Variants in DST observed in about 807,000 individuals in gnomAD.
DST encodes the protein bullous pemphigoid antigen.
A neutral mutation model predicts 875.2 loss-of-function variants in DST; 253 were observed. The observed-to-expected ratio is 0.29, with a 90% CI of 0.26 to 0.32. The LOEUF (loss-of-function observed/expected upper bound fraction) is 0.32, where lower values mean the gene tolerates loss of function less well. Ranked by LOEUF, DST falls within the 10% of genes least tolerant of loss-of-function variation. The pLI is 1.00. For missense variants in DST, 8,287 were observed against 9,111.6 expected, an observed-to-expected ratio of 0.91 and a Z score of 3.68; for synonymous variants, 3,124 against 3,197.1, an observed-to-expected ratio of 0.98 and a Z score of 0.77.
intron 4 of DST, among the ~76,000 whole-genome samples, chr6:56,828,924 G>C (rs2099783888): frequency 6.6e-6 from 1 of 152,086 alleles, no homozygotes; most frequent in Non-Finnish European, 1.5e-5. Flanking sequence ...AACAAATCTA[G>C]AAAGCTTCAC....
At chr6:56,575,445 G>A (rs1025732467) in intron 50 of DST, among the ~76,000 whole-genome samples, 2 of 152,174 alleles carry the variant, frequency 1.3e-5, no homozygotes, top group African/African-American at 4.8e-5. Flanking sequence ...TGGCAGGTTA[G>A]CGACTTCTTA....
At chr6:56,884,179 T>C (rs1161659646) in intron 3 of DST, among the ~76,000 whole-genome samples, 1 of 152,176 alleles carries the variant, frequency 6.6e-6, no homozygotes, top group East Asian at 1.9e-4. Flanking sequence ...TCTCTTTTTT[T>C]TATATTCGGT....
chr6:56,637,656 A>G (rs2098838830), intron 22 of DST, among the ~76,000 whole-genome samples: 1 of 152,094 alleles, frequency 6.6e-6, no homozygotes, highest in Non-Finnish European at 1.5e-5. Context: ...TTTAATAGAG[A>G]GTGTATCTTT....
At chr6:56,778,353 C>CTT (rs756542657) in intron 4 of DST, among the ~76,000 whole-genome samples, 4 of 109,992 alleles carry the variant, frequency 3.6e-5, no homozygotes, top group Admixed American at 9.0e-5. Flanking sequence ...ATTCTTTTCT[C>CTT]TTTTTTTTTT....
At chr6:56,824,653 C>A (rs1439985499) in intron 4 of DST, among the ~76,000 whole-genome samples, 1 of 152,070 alleles carries the variant, frequency 6.6e-6, no homozygotes, top group Non-Finnish European at 1.5e-5. Context: ...CTCTGACCGG[C>A]CGCGACCCCG....
intron 4 of DST, among the ~76,000 whole-genome samples, chr6:56,827,248 G>A (rs1489794477): frequency 6.6e-6 from 1 of 152,108 alleles, no homozygotes; most frequent in African/African-American, 2.4e-5. Context: ...GGGCGCGGTG[G>A]CTCTCGCCTG....
At chr6:56,581,837 A>G (rs1562942867) in intron 49 of DST, among the ~76,000 whole-genome samples, 1 of 152,210 alleles carries the variant, frequency 6.6e-6, no homozygotes, top group Non-Finnish European at 1.5e-5. Flanking sequence ...AACTCAAAAA[A>G]GCTGAATCTG....
At chr6:56,690,741 T>A (rs185782470) in intron 9 of DST, among the ~76,000 whole-genome samples, 52 of 152,312 alleles carry the variant, frequency 3.4e-4, no homozygotes, top group South Asian at 1.5e-3. Flanking sequence ...TTGCAACTAA[T>A]TCTCCAATGA....
Position 56,459,223 on chromosome 6 carries a change from T to G in DST, c.23239A>C (p.Lys7747Gln), listed in dbSNP as rs995801681. The change falls in exon 104 of 104, where the codon AAA becomes CAA. Residue 7747 changes from lysine (K) to glutamine (Q), a missense_variant. Physicochemically the swap from Lys to Gln is moderately conservative, Grantham distance 53 (BLOSUM62 1). Transcript: ENST00000680361. ...CGGCTGCTGGCCCTGCTGCCAGCTT[T>G]GCTTCCAGCTCGACTTCCTGGTCGG... Reference protein sequence around the residue: ...PSRPGSRAGSKAGSRASSRRG... With the variant: ...PSRPGSRAGSQAGSRASSRRG... 1 of 1,613,466 alleles carries G rather than the reference T, an allele frequency of 6.2e-7. No individual in the cohort carries two copies. The highest frequency in any genetic ancestry group is 8.5e-7 in the Non-Finnish European group (1 of 1,179,654).
rs1451557352 is a variant in DST at position 56,553,134 on chromosome 6, C to T, written c.15658G>A (p.Gly5220Ser). 6.2e-7 allele frequency: 1 copy of T among 1,613,846 alleles called. No individual in the cohort carries two copies. Among genetic ancestry groups the T allele is most frequent in the East Asian group, 2.2e-5 (1 of 44,894 alleles). ...SLQKEMDQHF[G>S]MVELLNNTAN... ...GTGTTGTTCAGTAATTCTACCATAC[C>T]AAAGTGTTGGTCCATTTCCTTCTGC... Residue 5220 changes from glycine (G) to serine (S), a missense_variant, in exon 61 of 104, where the codon GGT becomes AGT. Gly to Ser is a moderately conservative substitution (Grantham distance 56). Transcript: ENST00000680361.
In DST at chr6:56,597,807, T is replaced by G; in HGVS notation, c.12128A>C (p.Glu4043Ala). The G allele has an allele frequency of 1.2e-6, 2 of 1,613,970 alleles. No individual in the cohort carries two copies. Among genetic ancestry groups the G allele is most frequent in the East Asian group, 2.2e-5 (1 of 44,886 alleles). Reference sequence around the variant, plus strand: ...TCCAACTTGCCCATCAACATCAGTCTCCAACAGGTTACCATTAACTTCATC... The same window carrying G: ...TCCAACTTGCCCATCAACATCAGTCGCCAACAGGTTACCATTAACTTCATC... ...EEDEVNGNLL[E>A]TDVDGQVGTT... Residue 4043 changes from glutamate to alanine, a missense_variant, in exon 47 of 104, where the codon GAG becomes GCG. Glu to Ala is a moderately radical substitution (Grantham distance 107). Transcript: ENST00000680361.
At chr6:56,620,166 G>A in intron 36 of DST, 2 of 1,613,310 alleles carry the variant, frequency 1.2e-6, no homozygotes, top group Non-Finnish European at 1.7e-6. Context: ...TGCTTTATCA[G>A]CTTCAAGAGT....
Position 56,594,061 on chromosome 6 carries a change from C to T in DST, c.12328G>A (p.Glu4110Lys). ...EKEKLQKNMK[E>K]LKVHYETALA... ...GCAGTTTCATAATGCACTTTCAGTTCCTTCATGTTCTTTTGCAGTTTCTCT... is the reference window on the plus strand; with the variant it reads ...GCAGTTTCATAATGCACTTTCAGTTTCTTCATGTTCTTTTGCAGTTTCTCT... Residue 4110 changes from glutamate (E) to lysine (K), a missense_variant, in exon 48 of 104, where the codon GAA becomes AAA. Physicochemically the swap from Glu to Lys is moderately conservative, Grantham distance 56. This residue lies in a region of DST where 1,513 missense variants were observed against 1,677.8 expected (regional missense o/e 0.90). Coordinates refer to ENST00000680361, the MANE Select transcript of DST (RefSeq NM_001374736.1). 6.2e-7 allele frequency: 1 copy of T among 1,612,832 alleles called. No individual in the cohort carries two copies.
At chr6:56,543,720 C>G (rs750728872) in intron 61 of DST, among the ~76,000 whole-genome samples, 17 of 152,164 alleles carry the variant, frequency 1.1e-4, no homozygotes, top group Non-Finnish European at 1.8e-4. Flanking sequence ...CAAAACTGTG[C>G]TAACTCCAAA....
rs1443869403 is a variant in DST at position 56,603,633 on chromosome 6, G to A, written c.10872C>T (p.Pro3624=). The stretch of plus-strand genomic sequence containing the variant: ...CCAGAGATTCCTGGTTGTCTAAGGG[G>A]GGTTTCATATCTTGAAGCAATGTCA... ...EYLTLLQDMK[P]PLDNQESLDN... Residue 3624 remains proline (P), a synonymous_variant, in exon 41 of 104, where the codon CCC becomes CCT. Transcript: ENST00000680361. The A allele has an allele frequency of 1.2e-6, 2 of 1,611,196 alleles. No individual in the cohort carries two copies. The highest frequency in any genetic ancestry group is 1.7e-6 in the Non-Finnish European group (2 of 1,178,878).
intron 4 of DST, among the ~76,000 whole-genome samples, chr6:56,777,033 T>C (rs1236684353): frequency 6.6e-6 from 1 of 152,196 alleles, no homozygotes; most frequent in Non-Finnish European, 1.5e-5. Context: ...TGGTCCATTA[T>C]GTTTTATAAA....
At chr6:56,928,388 C>A (rs1808338490) in intron 2 of DST, among the ~76,000 whole-genome samples, 1 of 152,162 alleles carries the variant, frequency 6.6e-6, no homozygotes, top group Admixed American at 6.5e-5. Flanking sequence ...AGCCCCAACA[C>A]CAGAGAGTAT....
At chr6:56,586,715 T>TC (rs766756859) in intron 49 of DST, among the ~76,000 whole-genome samples, 54 of 152,064 alleles carry the variant, frequency 3.6e-4, no homozygotes, top group Non-Finnish European at 7.1e-4. Context: ...AGACAAAACT[T>TC]CCAGAGGAAT....
At chr6:56,618,027 C>G in intron 36 of DST, 2 of 1,614,120 alleles carry the variant, frequency 1.2e-6, no homozygotes, top group Non-Finnish European at 1.7e-6. Flanking sequence ...ATTTCACATG[C>G]GTTATCTTGA....
Sources: allele counts gnomAD v4.1 joint callset (sites outside exome capture counted in the v4.1 genomes callset), GRCh38; gene constraint gnomAD v4.1.1; regional missense constraint gnomAD v4.1.1; transcripts MANE v1.5; gene names NCBI Gene and HGNC (gene_info 2026-07-23, HGNC 2026-07-21).